The following MTNAP1 variants were observed in gnomAD, a reference collection of about 807,000 sequenced individuals.
MTNAP1 encodes mitochondrial nucleoid-associated protein 1.
the MTNAP1 span, among the ~76,000 whole-genome samples, chr17:73,239,673 C>T: frequency 6.6e-6 from 1 of 151,684 alleles, no homozygotes; most frequent in Non-Finnish European, 1.5e-5. Flanking sequence ...TGCCTGCCAC[C>T]ACGCCCAGCT....
chr17:73,235,930 A>G, the MTNAP1 span: 1 of 1,614,102 alleles, frequency 6.2e-7, no homozygotes, highest in Non-Finnish European at 8.5e-7. Flanking sequence ...CTCTCCTAAA[A>G]GAGAACTTGC....
At chr17:73,243,818 C>T in the MTNAP1 span, among the ~76,000 whole-genome samples, 4 of 152,320 alleles carry the variant, frequency 2.6e-5, no homozygotes, top group Admixed American at 1.3e-4. Flanking sequence ...CAGGCATGAG[C>T]CACCGCACTC....
At chr17:73,247,100 C>A in the MTNAP1 span, 2 of 711,428 alleles carry the variant, frequency 2.8e-6, no homozygotes, top group East Asian at 5.5e-5. Flanking sequence ...TGTATGTAGT[C>A]AAAATGTACA....
At chr17:73,241,467 CCT>C in the MTNAP1 span, among the ~76,000 whole-genome samples, 1 of 152,152 alleles carries the variant, frequency 6.6e-6, no homozygotes, top group South Asian at 2.1e-4. Context: ...CTGCATAAGC[CCT>C]CTTTTCTGGT....
the MTNAP1 span, chr17:73,242,222 T>C: frequency 6.7e-7 from 1 of 1,497,476 alleles, no homozygotes; most frequent in Non-Finnish European, 9.2e-7. Context: ...ACAATGACAG[T>C]GACTTCTGTT....
the MTNAP1 span, chr17:73,242,313 A>G: frequency 1.7e-4 from 277 of 1,605,384 alleles, no homozygotes; most frequent in African/African-American, 2.9e-3. Context: ...ACAACCTCCA[A>G]CTTCTCTCTA....
chr17:73,234,173 G>T, the MTNAP1 span, among the ~76,000 whole-genome samples: 237 of 152,270 alleles, frequency 1.6e-3, 2 homozygotes, highest in Non-Finnish European at 7.9e-4. Context: ...ACAGCTGTGT[G>T]CAGGATAGAT....
At chr17:73,234,720 T>C in the MTNAP1 span, among the ~76,000 whole-genome samples, 1 of 150,904 alleles carries the variant, frequency 6.6e-6, no homozygotes, top group Non-Finnish European at 1.5e-5. Flanking sequence ...AAAACAGGAC[T>C]GTGTCCTTGG....
chr17:73,245,737 G>GA, the MTNAP1 span: 2 of 984,586 alleles, frequency 2.0e-6, no homozygotes, highest in African/African-American at 1.7e-5. Flanking sequence ...GTAAGCCTCC[G>GA]AAAAAAAGCT....
chr17:73,248,477 T>C, the MTNAP1 span: 1 of 1,551,432 alleles, frequency 6.4e-7, no homozygotes, highest in Non-Finnish European at 8.7e-7. Context: ...AGTGCCCCGC[T>C]AGGTAAGAAG....
At chr17:73,245,654 C>T in the MTNAP1 span, 1 of 985,212 alleles carries the variant, frequency 1.0e-6, no homozygotes, top group Non-Finnish European at 1.2e-6. Flanking sequence ...CCCTTAGTTT[C>T]TTTGGGGCCC....
chr17:73,243,320 A>G, the MTNAP1 span: 1 of 359,282 alleles, frequency 2.8e-6, no homozygotes, highest in Non-Finnish European at 5.4e-6. Flanking sequence ...ATGCCCGGCT[A>G]ATTTTGTATT....
chr17:73,248,362 C>T, the MTNAP1 span: 4 of 835,200 alleles, frequency 4.8e-6, no homozygotes, highest in African/African-American at 3.4e-5. Context: ...AAGAACGTCT[C>T]TAACATGATT....
chr17:73,246,409 G>A, the MTNAP1 span, among the ~76,000 whole-genome samples: 5 of 152,150 alleles, frequency 3.3e-5, no homozygotes, highest in African/African-American at 4.8e-5. Context: ...AGTGGCACAC[G>A]CCTGTAGTCC....
the MTNAP1 span, among the ~76,000 whole-genome samples, chr17:73,235,127 C>A: frequency 1.3e-5 from 2 of 151,530 alleles, no homozygotes; most frequent in East Asian, 1.9e-4. Context: ...GAGGCTGAGA[C>A]GAGAATTGCT....
At chr17:73,236,456 G>A in the MTNAP1 span, 23 of 1,614,012 alleles carry the variant, frequency 1.4e-5, no homozygotes, top group South Asian at 1.2e-4. Flanking sequence ...AAGCAGGAAC[G>A]GACTGTCATG....
chr17:73,243,971 GAGA>G, the MTNAP1 span, among the ~76,000 whole-genome samples: 7 of 152,322 alleles, frequency 4.6e-5, 1 homozygote, highest in South Asian at 1.0e-3. Flanking sequence ...CCACAAAAGA[GAGA>G]AGGAGGAATA....
At chr17:73,242,174 C>T in the MTNAP1 span, 23 of 1,015,850 alleles carry the variant, frequency 2.3e-5, no homozygotes, top group Middle Eastern at 6.4e-4. Flanking sequence ...GTGGATCCTT[C>T]GGCACTGGAT....
chr17:73,238,502 C>T, the MTNAP1 span, among the ~76,000 whole-genome samples: 1 of 152,352 alleles, frequency 6.6e-6, no homozygotes, highest in South Asian at 2.1e-4. Flanking sequence ...GTACTAAAAG[C>T]AGAACATTGC....
Sources: allele counts gnomAD v4.1 joint callset (sites outside exome capture counted in the v4.1 genomes callset), GRCh38; gene constraint gnomAD v4.1.1; transcripts MANE v1.5; gene names NCBI Gene and HGNC (gene_info 2026-07-23, HGNC 2026-07-21).